DDX47: variants seen among roughly 807,000 people sequenced by gnomAD.
DDX47 encodes probable ATP-dependent RNA helicase DDX47.
Under a neutral mutation model 58.8 loss-of-function variants are expected in DDX47, and 60 were observed. The observed-to-expected ratio is 1.02, with a 90% CI of 0.83 to 1.26. The LOEUF is 1.26. Among genes scored for constraint, DDX47 ranks in the 50% most tolerant of loss-of-function variants. The pLI, the probability that DDX47 is intolerant of heterozygous loss-of-function variation, is 0.00. For synonymous variants in DDX47, 197 were observed against 204.6 expected (o/e 0.96, Z 0.32); for missense variants, 530 against 573.2 (o/e 0.92, Z 0.77).
chr12:12,813,534 C>T, intron 1 of DDX47, 80 bp downstream of exon 1: 1 of 1,278,348 alleles, frequency 7.8e-7, no homozygotes, highest in Middle Eastern at 1.8e-4. Flanking sequence ...AGATCCCGCT[C>T]TGATAGTGTA....
At chr12:12,824,810 G>A (rs1487925266) in intron 9 of DDX47, 133 bp downstream of exon 9, 6 of 928,814 alleles carry the variant, frequency 6.5e-6, no homozygotes, top group Non-Finnish European at 4.9e-6. Context: ...AAAGCCCTTG[G>A]TTAGTTCATT....
chr12:12,829,762 C>T lies in DDX47; in HGVS notation c.*208C>T. 2.1e-6 allele frequency: 1 copy of T among 481,348 alleles called. No homozygotes were observed. Among genetic ancestry groups the T allele is most frequent in the Non-Finnish European group, 3.5e-6 (1 of 286,876 alleles). 29.8% of individuals were successfully genotyped at this position (481,348 alleles called of 1,614,324 possible). A position where few individuals can be genotyped will look rare whatever the true frequency, so the allele number is the denominator to read the frequency against. Reference sequence around the variant, plus strand: ...TGTCAAGACTGTTACTGTTCTTCGACTTTGATTCCTTGCTCATGACATGAG... The same window carrying T: ...TGTCAAGACTGTTACTGTTCTTCGATTTTGATTCCTTGCTCATGACATGAG... On this transcript the variant is annotated 3_prime_UTR_variant, in exon 12 of 12. Coordinates refer to ENST00000358007, the MANE Select transcript of DDX47 (RefSeq NM_016355.4).
At chr12:12,819,316 G>C (rs1385408369) in intron 2 of DDX47, among the ~76,000 whole-genome samples, 1 of 149,592 alleles carries the variant, frequency 6.7e-6, no homozygotes, top group Non-Finnish European at 1.5e-5. Context: ...GTCTGCATCA[G>C]TGAGTCTGTA....
Position 12,813,400 on chromosome 12 carries a change from C to A in DDX47, c.33C>A (p.Thr11=), listed in dbSNP as rs1194403542. 3 of 1,613,458 alleles carry A rather than the reference C, an allele frequency of 1.9e-6. No individual in the cohort carries two copies. The highest frequency in any genetic ancestry group is 1.7e-5 in the Admixed American group (1 of 59,952). Residue 11 remains threonine, a synonymous_variant, in exon 1 of 12, where the codon ACC becomes ACA. Coordinates refer to ENST00000358007, the MANE Select transcript of DDX47 (RefSeq NM_016355.4). Reference sequence around the variant, plus strand: ...CACCCGAGGAACACGATTCTCCGACCGAAGCGTCCCAGCCGATTGTGGAAG... The same window carrying A: ...CACCCGAGGAACACGATTCTCCGACAGAAGCGTCCCAGCCGATTGTGGAAG... MAAPEEHDSP[T]EASQPIVEEE... is the part of the protein sequence containing the mutation.
In DDX47 at chr12:12,826,026, A is replaced by G. The variant is rs150917198; in HGVS notation, c.1062A>G (p.Thr354=). 1.9e-6 allele frequency: 3 copies of G among 1,613,652 alleles called. No homozygotes were observed. The African/African-American group carries it at 4.0e-5, about 22-fold the overall frequency. The change falls in exon 10 of 12, where the codon ACA becomes ACG. Residue 354 remains threonine (T), a synonymous_variant. Transcript: ENST00000358007. The part of the protein sequence containing the change: ...SKDYIHRVGR[T]ARAGRSGKAI... ...ATTACATCCATCGAGTAGGTCGAACAGCTAGAGCTGGGCGCTCCGGAAAGG... is the reference window on the plus strand; with the variant it reads ...ATTACATCCATCGAGTAGGTCGAACGGCTAGAGCTGGGCGCTCCGGAAAGG...
chr12:12,818,690 A>C (rs2136420267), intron 2 of DDX47, among the ~76,000 whole-genome samples: 1 of 152,268 alleles, frequency 6.6e-6, no homozygotes, highest in South Asian at 2.1e-4. Context: ...GACACACCCG[A>C]GACTGGGAAG....
At chr12:12,826,290 G>A in intron 10 of DDX47, 1 of 366,644 alleles carries the variant, frequency 2.7e-6, no homozygotes, top group Non-Finnish European at 4.9e-6. Flanking sequence ...TATTTGGCAT[G>A]TAGAATGGTA....
rs1249295426 is a variant in DDX47 at position 12,822,032 on chromosome 12, C to G, written c.510C>G (p.Tyr170Ter). ...TKGFNLRALK[Y>*]LVMDEADRIL... is the part of the protein sequence containing the mutation. Reference sequence around the variant, plus strand: ...GTTTCAACTTGAGAGCTCTCAAATACTTGGTCATGGATGAAGCCGACCGAA... The same window carrying G: ...GTTTCAACTTGAGAGCTCTCAAATAGTTGGTCATGGATGAAGCCGACCGAA... Residue 170 changes from tyrosine (Y) to a stop codon, truncating the protein, a stop_gained, in exon 5 of 12, where the codon TAC (tyrosine) becomes TAG (stop). Coordinates refer to ENST00000358007, the MANE Select transcript of DDX47 (RefSeq NM_016355.4). LOFTEE classifies it high-confidence loss of function. 1 of 1,613,954 alleles carries G rather than the reference C, an allele frequency of 6.2e-7. No homozygotes were observed. The highest frequency in any genetic ancestry group is 8.5e-7 in the Non-Finnish European group (1 of 1,179,952).
At chr12:12,818,803 A>G (rs866922461) in intron 2 of DDX47, among the ~76,000 whole-genome samples, 5 of 152,200 alleles carry the variant, frequency 3.3e-5, no homozygotes, top group Admixed American at 6.5e-5. Context: ...CGGCAAGAGA[A>G]AATGAGAGAC....
At chr12:12,818,581 C>T (rs1354792679) in intron 2 of DDX47, among the ~76,000 whole-genome samples, 1 of 151,772 alleles carries the variant, frequency 6.6e-6, no homozygotes, top group East Asian at 1.9e-4. Flanking sequence ...TGTGCATATG[C>T]TTTTGAATGG....
chr12:12,816,797 A>T (rs902992605), intron 2 of DDX47, among the ~76,000 whole-genome samples: 1 of 152,246 alleles, frequency 6.6e-6, no homozygotes, highest in Admixed American at 6.5e-5. Context: ...GTGGGAAAGA[A>T]CTATCAGCGG....
intron 10 of DDX47, 29 bp from the exon 11 acceptor site, chr12:12,827,217 A>G: frequency 6.2e-7 from 1 of 1,610,802 alleles, no homozygotes; most frequent in Non-Finnish European, 8.5e-7. Flanking sequence ...TTACCAGGCA[A>G]CCAGAGCTGT....
At chr12:12,814,393 C>T (rs1862865204) in intron 2 of DDX47, 169 bp downstream of exon 2, 5 of 570,010 alleles carry the variant, frequency 8.8e-6, no homozygotes, top group South Asian at 3.9e-5. Flanking sequence ...ACTGAGCTTA[C>T]TTTCTGTCTT....
intron 2 of DDX47, chr12:12,814,549 G>A (rs1478634937): frequency 4.5e-6 from 1 of 221,226 alleles, no homozygotes; most frequent in Admixed American, 5.5e-5. Flanking sequence ...ACACATATGT[G>A]TGTCTTGAGG....
At chr12:12,824,107 C>G in intron 8 of DDX47, 91 bp downstream of exon 8, 1 of 1,406,068 alleles carries the variant, frequency 7.1e-7, no homozygotes, top group Non-Finnish European at 9.6e-7. Context: ...GGCCATAGGG[C>G]ACCGATGCCT....
intron 2 of DDX47, 106 bp from the exon 3 acceptor site, chr12:12,821,102 C>A: frequency 1.7e-6 from 2 of 1,152,604 alleles, no homozygotes; most frequent in Non-Finnish European, 2.5e-6. Context: ...CCCAGTTCAT[C>A]AGATATTTAT....
intron 7 of DDX47, 168 bp from the exon 8 acceptor site, chr12:12,823,702 G>T: frequency 1.5e-6 from 1 of 660,438 alleles, no homozygotes; most frequent in East Asian, 2.7e-5. Context: ...TGGGGAATAT[G>T]TGGTTCACAG....
rs925951925 is a variant in DDX47 at position 12,824,986 on chromosome 12, G to A, written c.1035+309G>A. On this transcript the variant is annotated intron_variant, in intron 9 of 11. Coordinates refer to ENST00000358007, the MANE Select transcript of DDX47 (RefSeq NM_016355.4). ...TGTAGTTTTTTTGAGGCGGAGTCTC[G>A]CTCTGAGTTTTCTGAGGTGGAGTCT... The A allele has an allele frequency of 5.3e-5, 11 of 205,950 alleles. No individual in the cohort carries two copies. The South Asian group carries it at 6.8e-4, about 13-fold the overall frequency. 12.8% of individuals were successfully genotyped at this position (205,950 alleles called of 1,614,324 possible).
intron 2 of DDX47, among the ~76,000 whole-genome samples, chr12:12,816,784 G>A (rs985459704): frequency 1.3e-5 from 2 of 152,234 alleles, no homozygotes; most frequent in African/African-American, 4.8e-5. Flanking sequence ...ATAAAGGCCA[G>A]TGGTGGGAAA....
Sources: gnomAD v4.1 joint callset for allele counts (sites outside exome capture counted in the v4.1 genomes callset) on GRCh38, gnomAD v4.1.1 for gene constraint, MANE v1.5 for transcripts, NCBI Gene and HGNC (gene_info 2026-07-23, HGNC 2026-07-21) for gene names.